Variants in MCU observed in about 807,000 individuals in gnomAD.
The protein encoded by MCU is mitochondrial calcium uniporter.
A neutral mutation model predicts 45.2 loss-of-function variants in MCU; 12 were observed. The observed-to-expected ratio is 0.27, with a 90% CI of 0.17 to 0.43. The LOEUF is 0.43. Among genes scored for constraint, MCU ranks in the 20% least tolerant of loss-of-function variants. The pLI is 1.00. For synonymous variants in MCU, 160 were observed against 165.1 expected (o/e 0.97, Z 0.24); for missense variants, 324 against 436.7 (o/e 0.74, Z 2.30).
At chr10:72,793,843 A>G (rs1351077797) in intron 1 of MCU, among the ~76,000 whole-genome samples, 1 of 152,090 alleles carries the variant, frequency 6.6e-6, no homozygotes, top group Non-Finnish European at 1.5e-5. Context: ...TACTTCTTCC[A>G]TATTTATGGA....
Position 72,692,165 on chromosome 10 carries a change from C to G in MCU, c.14C>G (p.Ala5Gly). The G allele has an allele frequency of 7.7e-7, 1 of 1,290,780 alleles. No individual in the cohort carries two copies. The highest frequency in any genetic ancestry group is 9.9e-7 in the Non-Finnish European group (1 of 1,012,146). The allele number at this position is 1,290,780 out of a possible 1,614,324, so 80.0% of individuals were successfully genotyped here. MAAA[A>G]GRSLLLLLSS... ...TCCAGTTGAGAGATGGCGGCCGCCG[C>G]AGGTAGATCGCTCCTGCTGCTCCTC... The change falls in exon 1 of 8, where the codon GCA becomes GGA. Residue 5 changes from alanine to glycine, a missense_variant. Physicochemically the swap from Ala to Gly is moderately conservative, Grantham distance 60. This residue lies in a region of MCU where 111 missense variants were observed against 112.3 expected (regional missense o/e 0.99). Transcript: ENST00000373053.
chr10:72,779,845 C>T (rs749207068), intron 1 of MCU, among the ~76,000 whole-genome samples: 1 of 152,144 alleles, frequency 6.6e-6, no homozygotes. Flanking sequence ...TAAAATGGTA[C>T]AGCTACTTAG....
chr10:72,823,901 A>C (rs1376766664), intron 1 of MCU, among the ~76,000 whole-genome samples: 2 of 152,072 alleles, frequency 1.3e-5, no homozygotes, highest in Non-Finnish European at 2.9e-5. Flanking sequence ...CTCCACAAAA[A>C]TTAAAAAACT....
intron 1 of MCU, among the ~76,000 whole-genome samples, chr10:72,830,571 CTGTA>C (rs1166324095): frequency 6.6e-6 from 1 of 152,188 alleles, no homozygotes; most frequent in Non-Finnish European, 1.5e-5. Context: ...GTGCTTCCTA[CTGTA>C]TGTGTCTGAA....
intron 2 of MCU, among the ~76,000 whole-genome samples, chr10:72,858,432 A>C (rs1284104469): frequency 1.3e-5 from 2 of 151,934 alleles, no homozygotes; most frequent in Non-Finnish European, 2.9e-5. Context: ...CTTGTCAGGC[A>C]AAAAAAAGGG....
rs369186687 is a variant in MCU at position 72,700,551 on chromosome 10, A to T, written c.150+8250A>T. Reference sequence around the variant, plus strand: ...TGTGTAAAAATGAAAGTTGGCTTCAAGCAAATTAATTTTAATAAGTTTAGT... The same window carrying T: ...TGTGTAAAAATGAAAGTTGGCTTCATGCAAATTAATTTTAATAAGTTTAGT... On this transcript the variant is annotated intron_variant, in intron 1 of 7. Transcript: ENST00000373053. Among the ~76,000 whole-genome samples the T allele has an allele frequency of 1.1e-4, 16 of 152,358 alleles. No homozygotes were observed. The South Asian group carries it at 3.3e-3, about 32-fold the overall frequency.
intron 1 of MCU, among the ~76,000 whole-genome samples, chr10:72,727,019 T>G (rs1325684023): frequency 1.3e-5 from 2 of 152,200 alleles, no homozygotes; most frequent in African/African-American, 4.8e-5. Flanking sequence ...TGAGACAAAT[T>G]TTAATGTATG....
intron 1 of MCU, among the ~76,000 whole-genome samples, chr10:72,824,342 G>T (rs1170165636): frequency 6.7e-6 from 1 of 149,564 alleles, no homozygotes; most frequent in Middle Eastern, 3.2e-3. Context: ...GATTACAGGT[G>T]TCTGCCACCA....
chr10:72,742,094 A>G (rs1455046439), intron 1 of MCU, among the ~76,000 whole-genome samples: 1 of 151,762 alleles, frequency 6.6e-6, no homozygotes, highest in African/African-American at 2.4e-5. Flanking sequence ...GGATGGTCCC[A>G]TAAGATTATA....
intron 1 of MCU, among the ~76,000 whole-genome samples, chr10:72,714,150 A>G (rs999176255): frequency 2.6e-5 from 4 of 151,522 alleles, no homozygotes; most frequent in Admixed American, 2.6e-4. Flanking sequence ...TATTTTTAGT[A>G]GCGATGGGGT....
chr10:72,881,075 A>G lies in MCU; in HGVS notation c.862-3191A>G, dbSNP rs755838675. Reference sequence around the variant, plus strand: ...AGCCCAGGATCTTGAGGCTGCATTGAGCTATGGTCACACCACTGTACTCCA... The same window carrying G: ...AGCCCAGGATCTTGAGGCTGCATTGGGCTATGGTCACACCACTGTACTCCA... On this transcript the variant is annotated intron_variant, in intron 6 of 7. Transcript: ENST00000373053. Among the ~76,000 whole-genome samples the G allele has an allele frequency of 2.2e-4, 33 of 152,274 alleles. No individual in the cohort carries two copies. In the East Asian group the frequency reaches 6.4e-3, roughly 29 times the overall value.
chr10:72,815,091 A>G (rs1844605212), intron 1 of MCU, among the ~76,000 whole-genome samples: 1 of 152,264 alleles, frequency 6.6e-6, no homozygotes, highest in Admixed American at 6.5e-5. Context: ...GGGAAACAAA[A>G]GACATCTATG....
chr10:72,859,571 A>G (rs972043194), intron 3 of MCU, among the ~76,000 whole-genome samples: 12 of 152,176 alleles, frequency 7.9e-5, no homozygotes, highest in African/African-American at 2.7e-4. Flanking sequence ...ATGCACAGGG[A>G]ATCTCATTCA....
At chr10:72,792,979 C>T (rs1465745268) in intron 1 of MCU, among the ~76,000 whole-genome samples, 1 of 151,832 alleles carries the variant, frequency 6.6e-6, no homozygotes, top group African/African-American at 2.4e-5. Context: ...CCTGGGTTCA[C>T]GTGATTCTTT....
chr10:72,724,835 T>C (rs1207156622), intron 1 of MCU, among the ~76,000 whole-genome samples: 3 of 152,218 alleles, frequency 2.0e-5, no homozygotes, highest in Non-Finnish European at 2.9e-5. Flanking sequence ...GATTTGTTAT[T>C]GGGAAGGAGA....
At chr10:72,803,322 G>A (rs1227949098) in intron 1 of MCU, among the ~76,000 whole-genome samples, 1 of 150,478 alleles carries the variant, frequency 6.6e-6, no homozygotes, top group Non-Finnish European at 1.5e-5. Context: ...CCCATCTTCT[G>A]CTTGCCTATT....
intron 1 of MCU, among the ~76,000 whole-genome samples, chr10:72,831,309 C>T (rs965279366): frequency 4.0e-5 from 6 of 151,654 alleles, no homozygotes; most frequent in Admixed American, 1.3e-4. Flanking sequence ...TACATAGATA[C>T]GTAGGTTAGA....
At chr10:72,698,578 C>G (rs1842718053) in intron 1 of MCU, among the ~76,000 whole-genome samples, 1 of 152,208 alleles carries the variant, frequency 6.6e-6, no homozygotes, top group African/African-American at 2.4e-5. Context: ...AATCTTGGCT[C>G]ACTGCAACCT....
At chr10:72,737,945 A>G (rs1843274046) in intron 1 of MCU, among the ~76,000 whole-genome samples, 1 of 152,112 alleles carries the variant, frequency 6.6e-6, no homozygotes, top group African/African-American at 2.4e-5. Flanking sequence ...TTAAGTTGGC[A>G]TGGGAGCAGG....
Sources: gnomAD v4.1 joint callset for allele counts (sites outside exome capture counted in the v4.1 genomes callset) on GRCh38, gnomAD v4.1.1 for gene constraint, gnomAD v4.1.1 regional missense constraint, MANE v1.5 for transcripts, NCBI Gene and HGNC (gene_info 2026-07-23, HGNC 2026-07-21) for gene names.